The following PEX14 variants were observed in gnomAD, a reference collection of about 807,000 sequenced individuals.
PEX14 encodes the protein peroxisomal membrane protein PEX14.
A neutral mutation model predicts 49.5 loss-of-function variants in PEX14; 15 were observed. The observed-to-expected ratio is 0.30, with a 90% CI of 0.20 to 0.47. The LOEUF (loss-of-function observed/expected upper bound fraction) is 0.47. PEX14 is among the 20% of genes least tolerant of loss of function. PEX14 has a pLI of 1.00. For synonymous variants in PEX14, 210 were observed against 212.7 expected, an observed-to-expected ratio of 0.99 and a Z score of 0.11; for missense variants, 398 against 494.8, an observed-to-expected ratio of 0.80 and a Z score of 1.86.
At position 10,623,311 on chromosome 1, in the gene PEX14, G is replaced by A. The variant is rs1416857064; in HGVS notation, c.487+190G>A. The A allele has an allele frequency of 5.1e-6, 3 of 588,596 alleles. No homozygotes were observed. The East Asian group carries it at 9.2e-5, about 18-fold the overall frequency. The allele number at this position is 588,596 out of a possible 1,614,324, so 36.5% of individuals were successfully genotyped here. ...ATTTGAAATTGCTTGTTTACTGTCG[G>A]CGCGGCCTCAATTAATTATGTTTTT... On this transcript the variant is annotated intron_variant, in intron 6 of 8. Coordinates refer to ENST00000356607, the MANE Select transcript of PEX14 (RefSeq NM_004565.3). The surrounding 1 kb of genome is among the most constrained non-coding windows in gnomAD (Gnocchi z 4.4).
intron 1 of PEX14, among the ~76,000 whole-genome samples, chr1:10,492,244 T>A (rs1314396825): frequency 6.6e-6 from 1 of 152,198 alleles, no homozygotes. Context: ...GAACTAATTT[T>A]AAGAGCAGTT....
chr1:10,521,030 T>C (rs1229114061), intron 2 of PEX14, among the ~76,000 whole-genome samples: 3 of 151,804 alleles, frequency 2.0e-5, no homozygotes, highest in Non-Finnish European at 4.4e-5. Context: ...TTTAATCTTC[T>C]TTTTTCTTTG....
At chr1:10,502,409 C>G (rs896839847) in intron 2 of PEX14, among the ~76,000 whole-genome samples, 21 of 152,254 alleles carry the variant, frequency 1.4e-4, no homozygotes, top group African/African-American at 4.3e-4. Flanking sequence ...CTGCCTCTTC[C>G]TACTCTGTCC....
chr1:10,479,870 G>C (rs1641254488), intron 1 of PEX14, among the ~76,000 whole-genome samples: 1 of 152,164 alleles, frequency 6.6e-6, no homozygotes, highest in Non-Finnish European at 1.5e-5. Context: ...GGTGGTGCAT[G>C]TCTGTAGTTC....
rs1315566042 is a variant in PEX14 at position 10,495,987 on chromosome 1, A to C, written c.84+666A>C. Among the ~76,000 whole-genome samples, 1 of 152,192 alleles carries C rather than the reference A, an allele frequency of 6.6e-6. No individual in the cohort carries two copies. The highest frequency in any genetic ancestry group is 1.5e-5 in the Non-Finnish European group (1 of 68,034). ...ACCAGATAAGTTTGATGGGAGAGCC[A>C]GCTCTAGGTTTAACTTTTCAGAGCT... On this transcript the variant is annotated intron_variant, in intron 2 of 8. Transcript: ENST00000356607. This position sits in a 1 kb window ranked among gnomAD's most constrained non-coding sequence, Gnocchi z 4.2.
At chr1:10,524,682 TTGATTGA>T (rs1638414045) in intron 2 of PEX14, among the ~76,000 whole-genome samples, 1 of 151,652 alleles carries the variant, frequency 6.6e-6, no homozygotes, top group African/African-American at 2.4e-5. Flanking sequence ...AATCATTTGA[TTGATTGA>T]TTGATTGATT....
rs1338407267 is a variant in PEX14, at chr1:10,594,973, A to G, written c.170-4265A>G. 1.3e-5 allele frequency among the ~76,000 whole-genome samples: 2 copies of G among 152,142 alleles called. 1 individual carries two copies. ...AGCCCTGTGGCCACGCAGGTCAGAC[A>G]CTGCAGCAGTGACACTGGGGTTTTA... On this transcript the variant is annotated intron_variant, in intron 3 of 8. Coordinates refer to ENST00000356607, the MANE Select transcript of PEX14 (RefSeq NM_004565.3).
At chr1:10,521,675 G>A (rs940638418) in intron 2 of PEX14, among the ~76,000 whole-genome samples, 1 of 152,142 alleles carries the variant, frequency 6.6e-6, no homozygotes, top group African/African-American at 2.4e-5. Flanking sequence ...CTCATCTTTG[G>A]CTTTGCTTTT....
At chr1:10,621,373 G>A (rs1254854674) in intron 5 of PEX14, among the ~76,000 whole-genome samples, 20 of 131,160 alleles carry the variant, frequency 1.5e-4, no homozygotes, top group Non-Finnish European at 2.8e-4. Flanking sequence ...TTGAGACACA[G>A]TCTAACTCTG....
At position 10,486,838 on chromosome 1, in the gene PEX14, C is replaced by T. The variant is rs185027368; in HGVS notation, c.37-8436C>T. 1.3e-3 allele frequency among the ~76,000 whole-genome samples: 205 copies of T among 152,060 alleles called. 2 individuals are homozygous for T. Among genetic ancestry groups the T allele is most frequent in the African/African-American group, 4.2e-3 (174 of 41,488 alleles). ...AGTAGCTGGGATTACAAGCATCCAC[C>T]GCCATGCTTGGCTAATTTTTTTGTG... On this transcript the variant is annotated intron_variant, in intron 1 of 8. Coordinates refer to ENST00000356607, the MANE Select transcript of PEX14 (RefSeq NM_004565.3).
Position 10,553,865 on chromosome 1 carries a change from G to C in PEX14, c.169+17568G>C, listed in dbSNP as rs923785320. Among the ~76,000 whole-genome samples, 5 of 152,108 alleles carry C rather than the reference G, an allele frequency of 3.3e-5. 1 individual carries two copies. The highest frequency in any genetic ancestry group is 2.0e-4 in the Admixed American group (3 of 15,282). ...CAACCTGTTTGCTGATCTGGCCTCGGCAATTTTCAGGGCTTCCCTGCACAC... is the reference window on the plus strand; with the variant it reads ...CAACCTGTTTGCTGATCTGGCCTCGCCAATTTTCAGGGCTTCCCTGCACAC... On this transcript the variant is annotated intron_variant, in intron 3 of 8. Transcript: ENST00000356607.
chr1:10,495,424 TA>T lies in PEX14; in HGVS notation c.84+107del. On this transcript the variant is annotated intron_variant, in intron 2 of 8. Coordinates refer to ENST00000356607, the MANE Select transcript of PEX14 (RefSeq NM_004565.3). The surrounding 1 kb of genome is among the most constrained non-coding windows in gnomAD (Gnocchi z 4.2). ...TGGTTCTGCGTCAGTAGTGTCCCTT[TA>T]AAAGTAGCTGTTACCTAGAGACTGC... The T allele has an allele frequency of 3.2e-6, 3 of 928,176 alleles. No homozygotes were observed. The highest frequency in any genetic ancestry group is 5.2e-6 in the Non-Finnish European group (3 of 580,990). 57.5% of individuals were successfully genotyped at this position (928,176 alleles called of 1,614,324 possible). A position where few individuals can be genotyped will look rare whatever the true frequency, so the allele number is the denominator to read the frequency against.
chr1:10,527,867 C>T (rs1183530734), intron 2 of PEX14, among the ~76,000 whole-genome samples: 2 of 152,114 alleles, frequency 1.3e-5, no homozygotes, highest in Admixed American at 1.3e-4. Context: ...GATGGGGTTT[C>T]GCCATGTTGG....
chr1:10,621,467 C>T (rs2124637282), intron 5 of PEX14, among the ~76,000 whole-genome samples: 1 of 151,998 alleles, frequency 6.6e-6, no homozygotes, highest in Non-Finnish European at 1.5e-5. Context: ...CAGCCACAGC[C>T]TCCCGAGGAG....
intron 3 of PEX14, among the ~76,000 whole-genome samples, chr1:10,559,877 A>G (rs1639600899): frequency 1.3e-5 from 2 of 152,030 alleles, no homozygotes; most frequent in Admixed American, 1.3e-4. Context: ...TGCGAGGCTG[A>G]GTTCTTGCGT....
intron 3 of PEX14, among the ~76,000 whole-genome samples, chr1:10,572,303 G>A (rs4846236): frequency 0.99 from 150,294 of 152,328 alleles, 74,177 homozygotes; most frequent in East Asian, 1. Context: ...ACTTATACAA[G>A]TAAGGAGGAT....
chr1:10,548,989 A>G (rs893976442), intron 3 of PEX14, among the ~76,000 whole-genome samples: 1 of 152,190 alleles, frequency 6.6e-6, no homozygotes, highest in Non-Finnish European at 1.5e-5. Context: ...CTTTAAAGTA[A>G]TCTTTCTGTA....
intron 2 of PEX14, among the ~76,000 whole-genome samples, chr1:10,507,012 T>C (rs1192282081): frequency 1.3e-5 from 2 of 152,260 alleles, no homozygotes; most frequent in Non-Finnish European, 2.9e-5. Flanking sequence ...GAACAATTAC[T>C]AGCTCCGATC....
At chr1:10,577,951 C>T (rs189050356) in intron 3 of PEX14, among the ~76,000 whole-genome samples, 1 of 151,582 alleles carries the variant, frequency 6.6e-6, no homozygotes, top group Non-Finnish European at 1.5e-5. Flanking sequence ...AAAGAAAGAC[C>T]CCACCCAGGG....
Sources: allele counts gnomAD v4.1 joint callset (sites outside exome capture counted in the v4.1 genomes callset), GRCh38; gene constraint gnomAD v4.1.1; non-coding constraint Gnocchi (gnomAD v3.1); transcripts MANE v1.5; gene names NCBI Gene and HGNC (gene_info 2026-07-23, HGNC 2026-07-21).